The following PDE1C variants were observed in gnomAD, a reference collection of about 807,000 sequenced individuals.
PDE1C encodes phosphodiesterase 1C, also known as dual specificity calcium/calmodulin-dependent 3',5'-cyclic nucleotide phosphodiesterase 1C.
PDE1C carries 62 observed loss-of-function variants against 93.1 expected under a neutral mutation model. The ratio of observed to expected loss-of-function variants is 0.67; its 90% CI spans 0.54 to 0.82. PDE1C has a LOEUF of 0.82. PDE1C is among the 40% of genes least tolerant of loss of function. The pLI, the probability that PDE1C is intolerant of heterozygous loss-of-function variation, is 0.00. For synonymous variants in PDE1C, 325 were observed against 310.1 expected (o/e 1.05, Z -0.50); for missense variants, 742 against 884.6 (o/e 0.84, Z 2.04).
At chr7:32,017,993 T>C (rs534797193) in intron 2 of PDE1C, among the ~76,000 whole-genome samples, 21 of 151,950 alleles carry the variant, frequency 1.4e-4, no homozygotes, top group African/African-American at 4.6e-4. Flanking sequence ...GGTAGGAGGA[T>C]TGCTTGAGCC....
At chr7:32,300,923 G>A (rs1812867296), upstream of PDE1C, among the ~76,000 whole-genome samples, 1 of 151,492 alleles carries the variant, frequency 6.6e-6, no homozygotes, top group Non-Finnish European at 1.5e-5. Flanking sequence ...CTGTGGCATC[G>A]ACCTCTTGGG....
the PDE1C span, among the ~76,000 whole-genome samples, chr7:31,648,189 C>T: frequency 6.6e-6 from 1 of 152,072 alleles, no homozygotes; most frequent in Non-Finnish European, 1.5e-5. Flanking sequence ...GTAATATGAG[C>T]ATATTCAAAG....
chr7:31,803,364 T>G (rs920996168), intron 16 of PDE1C, among the ~76,000 whole-genome samples: 1 of 151,758 alleles, frequency 6.6e-6, no homozygotes, highest in East Asian at 1.9e-4. Flanking sequence ...TCTGTTTCAG[T>G]TCTGCATTGG....
intron 3 of PDE1C, among the ~76,000 whole-genome samples, chr7:32,148,600 A>T (rs1025351219): frequency 7.2e-5 from 11 of 152,206 alleles, no homozygotes; most frequent in Admixed American, 3.9e-4. Flanking sequence ...ATTAAATAAA[A>T]TTAAAAATTC....
chr7:32,218,429 C>G (rs908251711), intron 1 of PDE1C, among the ~76,000 whole-genome samples: 13 of 152,220 alleles, frequency 8.5e-5, no homozygotes, highest in Admixed American at 4.6e-4. Context: ...TGGGCAAATC[C>G]TTACAGAGGG....
chr7:32,250,455 G>C (rs1809287559), intron 1 of PDE1C, among the ~76,000 whole-genome samples: 1 of 152,164 alleles, frequency 6.6e-6, no homozygotes, highest in Non-Finnish European at 1.5e-5. Context: ...CAGACCAATT[G>C]AATCAGACCC....
chr7:31,961,891 T>G (rs930786085), intron 2 of PDE1C, among the ~76,000 whole-genome samples: 2 of 152,174 alleles, frequency 1.3e-5, no homozygotes, highest in Non-Finnish European at 2.9e-5. Flanking sequence ...CAGAGGAAAG[T>G]TGTTATTAGC....
At chr7:31,740,847 T>A in the PDE1C span, among the ~76,000 whole-genome samples, 2 of 152,062 alleles carry the variant, frequency 1.3e-5, no homozygotes, top group African/African-American at 2.4e-5. Flanking sequence ...GGAAGAAGGA[T>A]CATTTTAAGT....
At chr7:32,147,327 A>C (rs1033733223) in intron 3 of PDE1C, among the ~76,000 whole-genome samples, 1 of 149,954 alleles carries the variant, frequency 6.7e-6, no homozygotes, top group Non-Finnish European at 1.5e-5. Context: ...AAAGAAAGAA[A>C]GAAAGACGCT....
intron 16 of PDE1C, chr7:31,784,808 A>G (rs1783749163): frequency 6.6e-6 from 1 of 152,166 alleles, no homozygotes; most frequent in African/African-American, 2.4e-5. Flanking sequence ...AAGCAAGAAA[A>G]AAGGAAATGT....
intron 3 of PDE1C, among the ~76,000 whole-genome samples, chr7:32,081,374 T>C (rs970114162): frequency 1.3e-5 from 2 of 152,204 alleles, no homozygotes; most frequent in Non-Finnish European, 2.9e-5. Context: ...TTTCATTTAA[T>C]ACTTTCCCTC....
chr7:31,822,229 T>C (rs917139712), intron 14 of PDE1C, among the ~76,000 whole-genome samples: 11 of 152,020 alleles, frequency 7.2e-5, no homozygotes, highest in African/African-American at 2.7e-4. Flanking sequence ...CCGACTCTTG[T>C]TGAAGGCTCA....
intron 14 of PDE1C, among the ~76,000 whole-genome samples, chr7:31,817,992 C>T (rs2128727034): frequency 6.6e-6 from 1 of 152,182 alleles, no homozygotes; most frequent in African/African-American, 2.4e-5. Flanking sequence ...AACCAATGCC[C>T]TAGCCTCATC....
the PDE1C span, among the ~76,000 whole-genome samples, chr7:31,690,504 C>CA: frequency 6.6e-6 from 1 of 152,112 alleles, no homozygotes; most frequent in Non-Finnish European, 1.5e-5. Flanking sequence ...GGAGAGGGGG[C>CA]AAAAATGATT....
rs374901195 is a variant in PDE1C at position 31,926,520 on chromosome 7, T to A, written c.129-45660A>T. Among the ~76,000 whole-genome samples the A allele has an allele frequency of 5.8e-4, 88 of 152,248 alleles. 1 individual carries two copies. The highest frequency in any genetic ancestry group is 2.0e-3 in the African/African-American group (85 of 41,538). The stretch of plus-strand genomic sequence containing the variant: ...AGTTGGATGGCCAAATAGGAACAGC[T>A]CCGGTCTGCAGCTCCCAGCAAGACC... On this transcript the variant is annotated intron_variant, in intron 2 of 17. Transcript: ENST00000396191.
intron 2 of PDE1C, among the ~76,000 whole-genome samples, chr7:31,946,397 G>A (rs1201056181): frequency 1.3e-5 from 2 of 152,122 alleles, no homozygotes; most frequent in Non-Finnish European, 2.9e-5. Context: ...ACCCCTCGTG[G>A]CTTGGATGGA....
chr7:32,022,469 GA>G (rs1788818472), intron 2 of PDE1C, among the ~76,000 whole-genome samples: 1 of 152,040 alleles, frequency 6.6e-6, no homozygotes, highest in African/African-American at 2.4e-5. Flanking sequence ...GATCAGAGGG[GA>G]TAAGTGTCCC....
rs58794635 is a variant in PDE1C at position 32,174,558 on chromosome 7, G to T, written c.137-4602C>A. Among the ~76,000 whole-genome samples, 926 of 152,216 alleles carry T rather than the reference G, an allele frequency of 6.1e-3. 10 individuals are homozygous for T. Among genetic ancestry groups the T allele is most frequent in the African/African-American group, 0.021 (886 of 41,536 alleles). Reference sequence around the variant, plus strand: ...ATCAGTGCAGACAGCATATACAAAGGCTCAGAGGCGTAACAAAGCAGCTCC... The same window carrying T: ...ATCAGTGCAGACAGCATATACAAAGTCTCAGAGGCGTAACAAAGCAGCTCC... On this transcript the variant is annotated intron_variant, in intron 2 of 18. Transcript: ENST00000396193.
intron 1 of PDE1C, among the ~76,000 whole-genome samples, chr7:32,416,474 C>T (rs909326066): frequency 6.6e-6 from 1 of 152,162 alleles, no homozygotes; most frequent in African/African-American, 2.4e-5. Context: ...TTAGGCACCT[C>T]GAGACATTTT....
Sources: gnomAD v4.1 joint callset for allele counts (sites outside exome capture counted in the v4.1 genomes callset) on GRCh38, gnomAD v4.1.1 for gene constraint, MANE v1.5 for transcripts, NCBI Gene and HGNC (gene_info 2026-07-23, HGNC 2026-07-21) for gene names.